Variants in CACNA1G observed in about 807,000 individuals in gnomAD.
CACNA1G encodes voltage-dependent T-type calcium channel subunit alpha-1G.
Under a neutral mutation model 219.4 loss-of-function variants are expected in CACNA1G, and 67 were observed. The observed-to-expected ratio is 0.31, with a 90% CI of 0.25 to 0.37. The LOEUF is 0.37. CACNA1G is among the 10% of genes least tolerant of loss of function. The pLI, the probability that CACNA1G is intolerant of heterozygous loss-of-function variation, is 1.00. For synonymous variants in CACNA1G, 1,296 were observed against 1,345.3 expected (o/e 0.96, Z 0.80); for missense variants, 2,380 against 3,231.4 (o/e 0.74, Z 6.39).
intron 9 of CACNA1G, among the ~76,000 whole-genome samples, chr17:50,582,530 C>A (rs1007805246): frequency 3.9e-5 from 6 of 152,222 alleles, no homozygotes; most frequent in African/African-American, 1.4e-4. Flanking sequence ...ATACAAGGTG[C>A]CTGCGGGCCA....
chr17:50,584,507 CAGA>C (rs1333961887), intron 9 of CACNA1G, among the ~76,000 whole-genome samples: 1 of 149,778 alleles, frequency 6.7e-6, no homozygotes, highest in African/African-American at 2.5e-5. Flanking sequence ...TGGAGTCCCA[CAGA>C]AGCTTTCTGC....
chr17:50,590,777 C>T (rs905930146), intron 10 of CACNA1G, among the ~76,000 whole-genome samples, 155 bp downstream of exon 10: 4 of 152,138 alleles, frequency 2.6e-5, no homozygotes, highest in Admixed American at 6.5e-5. Flanking sequence ...AGGTGGGGGG[C>T]TCTCTGTGTC....
chr17:50,591,677 G>A, intron 11 of CACNA1G, 57 bp downstream of exon 11: 1 of 1,609,904 alleles, frequency 6.2e-7, no homozygotes, highest in South Asian at 1.1e-5. Flanking sequence ...GGGGCAGGAG[G>A]GCCTGAGGGG....
rs2050620932 is a variant in CACNA1G, at chr17:50,616,433, A to C, written c.5021+49A>C. 3 of 1,122,090 alleles carry C rather than the reference A, an allele frequency of 2.7e-6. No homozygotes were observed. The Admixed American group carries it at 5.4e-5, about 20-fold the overall frequency. 69.5% of individuals were successfully genotyped at this position (1,122,090 alleles called of 1,614,324 possible). ...GGGGACTTGCGTAGAGATAGAAAGG[A>C]ATGAGTCTCTTGGGGAAATACCCAG... On this transcript the variant is annotated intron_variant, in intron 28 of 37. Coordinates refer to ENST00000359106, the MANE Select transcript of CACNA1G (RefSeq NM_018896.5).
Position 50,617,575 on chromosome 17 carries a change from G to T in CACNA1G, c.5155+4G>T, listed in dbSNP as rs748482921. The T allele has an allele frequency of 1.9e-6, 3 of 1,613,608 alleles. No homozygotes were observed. Among genetic ancestry groups the T allele is most frequent in the Non-Finnish European group, 2.5e-6 (3 of 1,179,754 alleles). On this transcript the variant is annotated splice_donor_region_variant and intron_variant, in intron 29 of 37. Transcript: ENST00000359106. This position sits in a 1 kb window ranked among gnomAD's most constrained non-coding sequence, Gnocchi z 5.8. Reference sequence around the variant, plus strand: ...AGGGTGCTGCGCATTGCCCGAGGTTGGTGCCCAGCCCACGCACCTGCCCTC... The same window carrying T: ...AGGGTGCTGCGCATTGCCCGAGGTTTGTGCCCAGCCCACGCACCTGCCCTC...
intron 22 of CACNA1G, 95 bp from the exon 23 acceptor site, chr17:50,605,803 A>G: frequency 7.1e-7 from 1 of 1,413,206 alleles, no homozygotes; most frequent in Non-Finnish European, 9.8e-7. Flanking sequence ...ACTCACTCAA[A>G]ATGTGCCCAG....
At chr17:50,579,373 G>A (rs2041419601) in intron 9 of CACNA1G, among the ~76,000 whole-genome samples, 1 of 152,262 alleles carries the variant, frequency 6.6e-6, no homozygotes, top group African/African-American at 2.4e-5. Flanking sequence ...TCAGAGCTAT[G>A]CAGAGATAGA....
chr17:50,621,832 C>T lies in CACNA1G; in HGVS notation c.6060+38C>T, dbSNP rs367678791. The T allele has an allele frequency of 6.0e-5, 96 of 1,609,090 alleles. 1 individual carries two copies. The highest frequency in any genetic ancestry group is 4.9e-4 in the South Asian group (45 of 91,006). On this transcript the variant is annotated intron_variant, in intron 35 of 37. Transcript: ENST00000359106. This position sits in a 1 kb window ranked among gnomAD's most constrained non-coding sequence, Gnocchi z 4.6. The stretch of plus-strand genomic sequence containing the variant: ...TGCCCTCACTGCTCCCGGCCACCCC[C>T]GGGGCTGGACTGGCTGCAGGGCTCC...
intron 26 of CACNA1G, among the ~76,000 whole-genome samples, chr17:50,610,738 A>G (rs148164912): frequency 6.6e-6 from 1 of 152,286 alleles, no homozygotes; most frequent in Non-Finnish European, 1.5e-5. Flanking sequence ...AACAGACTTC[A>G]CACTTTAGAA....
rs561166849 is a variant in CACNA1G, at chr17:50,569,850, A to G, written c.586+47A>G. ...AGCCCCTGAAGAGAGCCCCAGGAGG[A>G]AATGTGGAACTCTCAGACCCCACCT... On this transcript the variant is annotated intron_variant, in intron 4 of 37. Coordinates refer to ENST00000359106, the MANE Select transcript of CACNA1G (RefSeq NM_018896.5). The G allele has an allele frequency of 3.5e-6, 5 of 1,426,022 alleles. No homozygotes were observed. The South Asian group carries it at 6.1e-5, about 17-fold the overall frequency. The allele number at this position is 1,426,022 out of a possible 1,614,324, so 88.3% of individuals were successfully genotyped here. A position where few individuals can be genotyped will look rare whatever the true frequency, so the allele number is the denominator to read the frequency against.
chr17:50,561,472 G>A lies in CACNA1G; in HGVS notation c.13G>A (p.Glu5Lys), dbSNP rs2035563322. 1.3e-6 allele frequency: 2 copies of A among 1,534,652 alleles called. No individual in the cohort carries two copies. The highest frequency in any genetic ancestry group is 1.7e-6 in the Non-Finnish European group (2 of 1,146,532). MDEE[E>K]DGAGAEESGQ... Reference sequence around the variant, plus strand: ...GGCTGGCCAGAGGATGGACGAGGAGGAGGATGGAGCGGGCGCCGAGGAGTC... The same window carrying A: ...GGCTGGCCAGAGGATGGACGAGGAGAAGGATGGAGCGGGCGCCGAGGAGTC... The change falls in exon 1 of 38, where the codon GAG (glutamate) becomes AAG (lysine). Residue 5 changes from glutamate (E) to lysine (K), a missense_variant. This residue lies in a region of CACNA1G where 98 missense variants were observed against 85.5 expected (regional missense o/e 1.15). Coordinates refer to ENST00000359106, the MANE Select transcript of CACNA1G (RefSeq NM_018896.5).
chr17:50,567,173 T>C (rs906877108), intron 1 of CACNA1G, among the ~76,000 whole-genome samples: 2 of 152,168 alleles, frequency 1.3e-5, no homozygotes, highest in Admixed American at 1.3e-4. Context: ...GAAAAACAAT[T>C]CCGTGGAAAC....
chr17:50,566,191 A>G (rs1316629663), intron 1 of CACNA1G, among the ~76,000 whole-genome samples: 1 of 152,114 alleles, frequency 6.6e-6, no homozygotes, highest in Non-Finnish European at 1.5e-5. Context: ...CATGACAACA[A>G]ATCCACACCA....
chr17:50,571,067 G>A lies in CACNA1G; in HGVS notation c.587-811G>A, dbSNP rs1403929406. ...CGGTTGGGTTCTAGACCTGGAGTAC[G>A]GAGAGAGGGAAGTAACCCTAACAGG... On this transcript the variant is annotated intron_variant, in intron 4 of 37. Coordinates refer to ENST00000359106, the MANE Select transcript of CACNA1G (RefSeq NM_018896.5). This position sits in a 1 kb window ranked among gnomAD's most constrained non-coding sequence, Gnocchi z 4.3. Among the ~76,000 whole-genome samples, 1 of 152,226 alleles carries A rather than the reference G, an allele frequency of 6.6e-6. No individual in the cohort carries two copies. Among genetic ancestry groups the A allele is most frequent in the Non-Finnish European group, 1.5e-5 (1 of 68,042 alleles).
chr17:50,579,402 C>T (rs1265412044), intron 9 of CACNA1G, among the ~76,000 whole-genome samples: 2 of 152,046 alleles, frequency 1.3e-5, no homozygotes, highest in Admixed American at 6.5e-5. Flanking sequence ...CCTGGGGGAC[C>T]CCACTGATCC....
intron 25 of CACNA1G, among the ~76,000 whole-genome samples, chr17:50,608,933 G>A (rs1053604270): frequency 2.0e-5 from 3 of 152,098 alleles, no homozygotes; most frequent in Non-Finnish European, 4.4e-5. Flanking sequence ...CACGGCCCAC[G>A]TCTCTCTAAG....
chr17:50,606,616 A>G (rs907678132), intron 23 of CACNA1G: 2 of 549,456 alleles, frequency 3.6e-6, no homozygotes, highest in African/African-American at 3.8e-5. Context: ...TGATTCCCAG[A>G]CCCACTCTGG....
chr17:50,573,333 G>A, intron 7 of CACNA1G: 1 of 534,184 alleles, frequency 1.9e-6, no homozygotes, highest in South Asian at 2.4e-5. Flanking sequence ...CCTTGGGCAA[G>A]TCATTCTCCA....
In CACNA1G at chr17:50,578,131, C is replaced by T; in HGVS notation, c.1925-57C>T. The T allele has an allele frequency of 1.0e-5, 15 of 1,493,990 alleles. No individual in the cohort carries two copies. Among genetic ancestry groups the T allele is most frequent in the South Asian group, 2.8e-5 (2 of 71,988 alleles). 92.5% of individuals were successfully genotyped at this position (1,493,990 alleles called of 1,614,324 possible). A position where few individuals can be genotyped will look rare whatever the true frequency, so the allele number is the denominator to read the frequency against. On this transcript the variant is annotated intron_variant, in intron 8 of 37. Transcript: ENST00000359106. This position sits in a 1 kb window ranked among gnomAD's most constrained non-coding sequence, Gnocchi z 4.5. ...ACTCATTTTACACATACTCACAGGG[C>T]AGGGTAGCCCCAGGTACGAGACTCT...
Sources: allele counts gnomAD v4.1 joint callset (sites outside exome capture counted in the v4.1 genomes callset), GRCh38; gene constraint gnomAD v4.1.1; regional missense constraint gnomAD v4.1.1; non-coding constraint Gnocchi (gnomAD v3.1); transcripts MANE v1.5; gene names NCBI Gene and HGNC (gene_info 2026-07-23, HGNC 2026-07-21).